The following CTBS variants were observed in gnomAD, a reference collection of about 807,000 sequenced individuals.
CTBS encodes di-N-acetylchitobiase.
A neutral mutation model predicts 44.3 loss-of-function variants in CTBS; 35 were observed. The ratio of observed to expected loss-of-function variants is 0.79; its 90% CI spans 0.60 to 1.05. CTBS has a LOEUF of 1.05. CTBS is among the 50% of genes least tolerant of loss of function. CTBS has a pLI of 0.00. For missense variants in CTBS, 458 were observed against 475.3 expected (o/e 0.96, Z 0.34); for synonymous variants, 143 against 168.0 (o/e 0.85, Z 1.15).
chr1:84,557,392 G>A (rs952548296), intron 6 of CTBS, among the ~76,000 whole-genome samples: 1 of 151,934 alleles, frequency 6.6e-6, no homozygotes, highest in Non-Finnish European at 1.5e-5. Flanking sequence ...AATTAGCTGG[G>A]TGTGGTGATG....
rs72950354 is a variant in CTBS, at chr1:84,566,140, T to C, written c.526-128A>G. 5.7e-3 allele frequency: 2,581 copies of C among 455,658 alleles called. 55 individuals carry two copies. Among genetic ancestry groups the C allele is most frequent in the African/African-American group, 0.046 (2,231 of 48,838 alleles). 28.2% of individuals were successfully genotyped at this position (455,658 alleles called of 1,614,324 possible). A position where few individuals can be genotyped will look rare whatever the true frequency, so the allele number is the denominator to read the frequency against. On this transcript the variant is annotated intron_variant, in intron 3 of 6. Coordinates refer to ENST00000370630, the MANE Select transcript of CTBS (RefSeq NM_004388.3). The stretch of plus-strand genomic sequence containing the variant: ...AAAGGAACTGCTTACAGTATATGAA[T>C]GTAGGGTTTGACACACATAGAACTT...
intron 3 of CTBS, 121 bp downstream of exon 3, chr1:84,569,810 A>AT: frequency 1.1e-6 from 1 of 938,706 alleles, no homozygotes; most frequent in East Asian, 2.7e-5. Flanking sequence ...TTTTTAGGAA[A>AT]TAAGTGCTGA....
intron 6 of CTBS, among the ~76,000 whole-genome samples, chr1:84,560,097 A>AAAAAGAAAG (rs1553224318): frequency 1.7e-5 from 2 of 114,712 alleles, no homozygotes; most frequent in Non-Finnish European, 3.4e-5. Flanking sequence ...AAAAAAAAAA[A>AAAAAGAAAG]AAAGAAAGAA....
chr1:84,550,828 T>C lies in CTBS; in HGVS notation c.*4171A>G, dbSNP rs1015585902. 7.0e-6 allele frequency: 7 copies of C among 1,003,666 alleles called. No individual in the cohort carries two copies. The highest frequency in any genetic ancestry group is 5.9e-5 in the Admixed American group (1 of 16,898). 62.2% of individuals were successfully genotyped at this position (1,003,666 alleles called of 1,614,324 possible). A position where few individuals can be genotyped will look rare whatever the true frequency, so the allele number is the denominator to read the frequency against. Reference sequence around the variant, plus strand: ...TTCTCAAAAAAAATTTTAAGTAGTTTTCCTGTATTAGAATTATTAAGTCTG... The same window carrying C: ...TTCTCAAAAAAAATTTTAAGTAGTTCTCCTGTATTAGAATTATTAAGTCTG... On this transcript the variant is annotated 3_prime_UTR_variant, in exon 7 of 7. Coordinates refer to ENST00000370630, the MANE Select transcript of CTBS (RefSeq NM_004388.3).
At chr1:84,561,847 A>G (rs1233006756) in intron 6 of CTBS, among the ~76,000 whole-genome samples, 1 of 152,226 alleles carries the variant, frequency 6.6e-6, no homozygotes, top group Admixed American at 6.5e-5. Flanking sequence ...TTTTTTAGAC[A>G]TAATGCTATT....
At chr1:84,566,862 T>C (rs1362151436) in intron 3 of CTBS, among the ~76,000 whole-genome samples, 1 of 152,208 alleles carries the variant, frequency 6.6e-6, no homozygotes, top group Non-Finnish European at 1.5e-5. Flanking sequence ...CTCAAACTCC[T>C]GACCTCAGCT....
rs1684320305 is a variant in CTBS, at chr1:84,552,889, A to G, written c.*2110T>C. The G allele has an allele frequency of 1.7e-6, 1 of 594,460 alleles. No homozygotes were observed. The highest frequency in any genetic ancestry group is 3.5e-5 in the Admixed American group (1 of 28,298). The allele number at this position is 594,460 out of a possible 1,614,324, so 36.8% of individuals were successfully genotyped here. A position where few individuals can be genotyped will look rare whatever the true frequency, so the allele number is the denominator to read the frequency against. ...CATTCATAATCTACACATTTACTGT[A>G]GTAATCCAGTGGGAGTTGAAAGCAC... On this transcript the variant is annotated 3_prime_UTR_variant, in exon 7 of 7. Transcript: ENST00000370630.
Position 84,550,440 on chromosome 1 carries a change from A to C in CTBS, c.*4559T>G, listed in dbSNP as rs1684236106. 5.2e-6 allele frequency: 8 copies of C among 1,532,832 alleles called. No individual in the cohort carries two copies. The highest frequency in any genetic ancestry group is 7.1e-6 in the Non-Finnish European group (8 of 1,134,536). The allele number at this position is 1,532,832 out of a possible 1,614,324, so 95.0% of individuals were successfully genotyped here. A position where few individuals can be genotyped will look rare whatever the true frequency, so the allele number is the denominator to read the frequency against. ...TCTATCTATCCACACAGAATTACCT[A>C]ATAATCCAGATCACTGAGGTACAGC... On this transcript the variant is annotated 3_prime_UTR_variant, in exon 7 of 7. Transcript: ENST00000370630.
At chr1:84,562,747 G>C (rs973550718) in intron 6 of CTBS, among the ~76,000 whole-genome samples, 1 of 152,014 alleles carries the variant, frequency 6.6e-6, no homozygotes, top group African/African-American at 2.4e-5. Flanking sequence ...TAATATTTTT[G>C]TAAGTTTTGA....
intron 1 of CTBS, 24 bp from the exon 2 acceptor site, chr1:84,570,744 A>G (rs1647277815): frequency 6.2e-7 from 1 of 1,607,166 alleles, no homozygotes; most frequent in African/African-American, 1.3e-5. Context: ...GATGAGCACC[A>G]TCATTTAAAC....
rs1244013229 is a variant in CTBS at position 84,554,528 on chromosome 1, C to T, written c.*471G>A. 6.4e-6 allele frequency: 1 copy of T among 155,808 alleles called. No homozygotes were observed. The highest frequency in any genetic ancestry group is 1.4e-5 in the Non-Finnish European group (1 of 70,398). The allele number at this position is 155,808 out of a possible 1,614,324, so 9.7% of individuals were successfully genotyped here. ...CAGTTTGATGAACCTAAAGGGGAGA[C>T]ACTACATTGTAGGTTTTAAATTTAA... On this transcript the variant is annotated 3_prime_UTR_variant, in exon 7 of 7. Transcript: ENST00000370630.
Position 84,574,358 on chromosome 1 carries a change from G to C in CTBS, c.58C>G (p.Pro20Ala), listed in dbSNP as rs1647407474. 6.4e-7 allele frequency: 1 copy of C among 1,567,776 alleles called. No individual in the cohort carries two copies. The highest frequency in any genetic ancestry group is 8.6e-7 in the Non-Finnish European group (1 of 1,157,770). Residue 20 changes from proline (P) to alanine (A), a missense_variant, in exon 1 of 7, where the codon CCG becomes GCG. Transcript: ENST00000370630. ...RLVSSPPSGVPGLALLALLAL... is the reference protein window; with the variant it reads ...RLVSSPPSGVAGLALLALLAL... The stretch of plus-strand genomic sequence containing the variant: ...AGCAGCGCCAGCAGCGCTAGACCCG[G>C]GACGCCGCTCGGCGGGCTAGAGACG...
In CTBS at chr1:84,550,890, T is replaced by G; in HGVS notation, c.*4109A>C. On this transcript the variant is annotated 3_prime_UTR_variant, in exon 7 of 7. Coordinates refer to ENST00000370630, the MANE Select transcript of CTBS (RefSeq NM_004388.3). ...AGCTCTCCTCTGAACTGACATTTAA[T>G]TTTTTATGGGTAATCGTTTCATTTT... 3 of 981,802 alleles carry G rather than the reference T, an allele frequency of 3.1e-6. No individual in the cohort carries two copies. Among genetic ancestry groups the G allele is most frequent in the Non-Finnish European group, 3.6e-6 (3 of 826,308 alleles). 60.8% of individuals were successfully genotyped at this position (981,802 alleles called of 1,614,324 possible). A position where few individuals can be genotyped will look rare whatever the true frequency, so the allele number is the denominator to read the frequency against.
intron 6 of CTBS, among the ~76,000 whole-genome samples, chr1:84,560,246 T>C (rs1684565692): frequency 6.6e-6 from 1 of 152,274 alleles, no homozygotes; most frequent in Non-Finnish European, 1.5e-5. Flanking sequence ...TACTCTAACC[T>C]TTCCCACCAC....
chr1:84,563,243 A>G lies in CTBS; in HGVS notation c.957+14T>C. 2 of 1,441,650 alleles carry G rather than the reference A, an allele frequency of 1.4e-6. No individual in the cohort carries two copies. Among genetic ancestry groups the G allele is most frequent in the Middle Eastern group, 2.4e-4 (1 of 4,242 alleles). The allele number at this position is 1,441,650 out of a possible 1,614,324, so 89.3% of individuals were successfully genotyped here. On this transcript the variant is annotated intron_variant, in intron 6 of 6. Coordinates refer to ENST00000370630, the MANE Select transcript of CTBS (RefSeq NM_004388.3). ...CTAATAGAATAAATGCTCATAACTT[A>G]CGAAAAGTCTTACTTTATAGTTATA...
chr1:84,570,164 G>A, intron 2 of CTBS, 25 bp from the exon 3 acceptor site: 3 of 1,569,336 alleles, frequency 1.9e-6, no homozygotes, highest in Admixed American at 1.8e-5. Context: ...TATATCTTTT[G>A]AACATGTATG....
At chr1:84,570,919 G>A (rs57295979) in intron 1 of CTBS, among the ~76,000 whole-genome samples, 199 bp from the exon 2 acceptor site, 3,901 of 152,278 alleles carry the variant, frequency 0.026, 153 homozygotes, top group African/African-American at 0.088. Flanking sequence ...GATGGGCCAG[G>A]AAGGAAGAGT....
rs1368184443 is a variant in CTBS at position 84,570,647 on chromosome 1, A to T, written c.251T>A (p.Phe84Tyr). The change falls in exon 2 of 7, where the codon TTT (phenylalanine) becomes TAT (tyrosine). Residue 84 changes from phenylalanine (F) to tyrosine (Y), a missense_variant. Transcript: ENST00000370630. ...CATAAGTTCTGAGTCATATTTTCCA[A>T]ATGTTGCCACAGTTGTAATCTGTGA... ...DWSQITTVAT[F>Y]GKYDSELMCY... is the part of the protein sequence containing the mutation. 1.2e-6 allele frequency: 2 copies of T among 1,614,038 alleles called. No individual in the cohort carries two copies.
At chr1:84,565,749 C>A in intron 4 of CTBS, 92 bp downstream of exon 4, 1 of 669,780 alleles carries the variant, frequency 1.5e-6, no homozygotes, top group Non-Finnish European at 2.1e-6. Flanking sequence ...AAAACGTATA[C>A]ATATAACTTA....
Sources: allele counts gnomAD v4.1 joint callset (sites outside exome capture counted in the v4.1 genomes callset), GRCh38; gene constraint gnomAD v4.1.1; transcripts MANE v1.5; gene names NCBI Gene and HGNC (gene_info 2026-07-23, HGNC 2026-07-21).